The following SMAD3 variants were observed in gnomAD, a reference collection of about 807,000 sequenced individuals.
SMAD3 encodes the protein MAD homolog 3.
In SMAD3, 12 loss-of-function variants were observed where a neutral mutation model predicts 51.8. The observed-to-expected ratio is 0.23, with a 90% CI of 0.15 to 0.38. SMAD3 has a LOEUF of 0.38. Among genes scored for constraint, SMAD3 ranks in the 10% least tolerant of loss-of-function variants. The pLI is 1.00. For synonymous variants in SMAD3, 238 were observed against 227.7 expected, an observed-to-expected ratio of 1.05 and a Z score of -0.41; for missense variants, 294 against 565.6, an observed-to-expected ratio of 0.52 and a Z score of 4.87.
intron 1 of SMAD3, among the ~76,000 whole-genome samples, chr15:67,108,152 C>T (rs2118612): frequency 0.7 from 106,416 of 152,080 alleles, 38,219 homozygotes; most frequent in Middle Eastern, 0.85. Context: ...GCCTTGCCCT[C>T]GGGGGCTCCG....
chr15:67,129,523 TA>T (rs1961471602), intron 1 of SMAD3, among the ~76,000 whole-genome samples: 1 of 152,220 alleles, frequency 6.6e-6, no homozygotes, highest in Admixed American at 6.5e-5. Context: ...GCCTAATTTA[TA>T]AATTAAACTT....
intron 5 of SMAD3, among the ~76,000 whole-genome samples, chr15:67,180,628 C>T (rs113758516): frequency 4.0e-5 from 6 of 151,514 alleles, no homozygotes; most frequent in African/African-American, 1.5e-4. Context: ...GTGTCCACTG[C>T]GCCAACATGG....
At chr15:67,098,256 A>G (rs1045325244) in intron 1 of SMAD3, among the ~76,000 whole-genome samples, 2 of 141,938 alleles carry the variant, frequency 1.4e-5, no homozygotes, top group African/African-American at 2.6e-5. Flanking sequence ...GTGAGATGAG[A>G]GGATTGGGCT....
chr15:67,106,777 G>A (rs1346667133), intron 1 of SMAD3, among the ~76,000 whole-genome samples: 1 of 152,126 alleles, frequency 6.6e-6, no homozygotes, highest in African/African-American at 2.4e-5. Flanking sequence ...GGCTCTTCCT[G>A]GCTTCACTCT....
At chr15:67,109,001 G>C (rs1960942213) in intron 1 of SMAD3, among the ~76,000 whole-genome samples, 1 of 152,182 alleles carries the variant, frequency 6.6e-6, no homozygotes, top group Non-Finnish European at 1.5e-5. Flanking sequence ...CCTCAAGTTG[G>C]CTTTTGTCTC....
At position 67,098,855 on chromosome 15, in the gene SMAD3, G is replaced by A. The variant is rs74811524; in HGVS notation, c.206+32495G>A. The stretch of plus-strand genomic sequence containing the variant: ...TTGCTCAGCTGGGGGATTTGGGGAC[G>A]GTGGGAGGGCATACATGGATGGGAG... On this transcript the variant is annotated intron_variant, in intron 1 of 8. Coordinates refer to ENST00000327367, the MANE Select transcript of SMAD3 (RefSeq NM_005902.4). 984 of 701,148 alleles carry A rather than the reference G, an allele frequency of 1.4e-3. 10 individuals carry two copies. The African/African-American group carries it at 0.015, about 11-fold the overall frequency. 43.4% of individuals were successfully genotyped at this position (701,148 alleles called of 1,614,324 possible). A position where few individuals can be genotyped will look rare whatever the true frequency, so the allele number is the denominator to read the frequency against.
intron 1 of SMAD3, among the ~76,000 whole-genome samples, chr15:67,085,448 A>AAATG (rs1396989302): frequency 6.6e-6 from 1 of 152,228 alleles, no homozygotes; most frequent in Non-Finnish European, 1.5e-5. Context: ...GCATTCAAAG[A>AAATG]AATGACTCTA....
intron 1 of SMAD3, among the ~76,000 whole-genome samples, chr15:67,074,798 T>G (rs1356738232): frequency 6.6e-6 from 1 of 152,226 alleles, no homozygotes; most frequent in Non-Finnish European, 1.5e-5. Context: ...CAAGCAGTTC[T>G]CCTGCCTCAG....
At chr15:67,113,971 C>G (rs1257067752) in intron 1 of SMAD3, among the ~76,000 whole-genome samples, 1 of 152,180 alleles carries the variant, frequency 6.6e-6, no homozygotes, top group African/African-American at 2.4e-5. Context: ...ATTTCTGCCA[C>G]CAGGTTGAGG....
chr15:67,102,055 A>T (rs1405442387), intron 1 of SMAD3, among the ~76,000 whole-genome samples: 1 of 152,152 alleles, frequency 6.6e-6, no homozygotes, highest in Non-Finnish European at 1.5e-5. Context: ...TCGGATTATG[A>T]GGCACCTGAT....
At chr15:67,189,322 A>G (rs1963301026) in intron 8 of SMAD3, among the ~76,000 whole-genome samples, 1 of 152,148 alleles carries the variant, frequency 6.6e-6, no homozygotes, top group Non-Finnish European at 1.5e-5. Context: ...CTGCTACACA[A>G]GCAAAGTAGA....
rs2140191979 is a variant in SMAD3, at chr15:67,068,955, C to T, written c.206+2595C>T. Among the ~76,000 whole-genome samples, 3 of 152,328 alleles carry T rather than the reference C, an allele frequency of 2.0e-5. No homozygotes were observed. In the South Asian group the frequency reaches 6.2e-4, roughly 32 times the overall value. ...GAGAAAGGAAAATGTTTAACTTAGTCATTCCCCCTGTGTGTGGGGGGTTGG... is the reference window on the plus strand; with the variant it reads ...GAGAAAGGAAAATGTTTAACTTAGTTATTCCCCCTGTGTGTGGGGGGTTGG... On this transcript the variant is annotated intron_variant, in intron 1 of 8. Coordinates refer to ENST00000327367, the MANE Select transcript of SMAD3 (RefSeq NM_005902.4).
intron 1 of SMAD3, among the ~76,000 whole-genome samples, chr15:67,119,366 C>T (rs935964690): frequency 6.6e-6 from 1 of 151,524 alleles, no homozygotes; most frequent in Non-Finnish European, 1.5e-5. Flanking sequence ...AAGCCCATTG[C>T]AGGGAGGCCC....
chr15:67,117,587 T>C (rs1302563749), intron 1 of SMAD3, among the ~76,000 whole-genome samples: 2 of 152,070 alleles, frequency 1.3e-5, no homozygotes, highest in Non-Finnish European at 2.9e-5. Flanking sequence ...CTGGTGGGTG[T>C]GAGGATGTTT....
intron 1 of SMAD3, among the ~76,000 whole-genome samples, chr15:67,080,680 G>A (rs923295520): frequency 1.3e-5 from 2 of 152,206 alleles, no homozygotes; most frequent in Non-Finnish European, 2.9e-5. Context: ...AGGCCTTGAG[G>A]AAGGAATTAA....
chr15:67,178,377 GAT>G, intron 5 of SMAD3, among the ~76,000 whole-genome samples: 1 of 152,316 alleles, frequency 6.6e-6, no homozygotes, highest in Middle Eastern at 3.4e-3. Context: ...AGGGCTTTAT[GAT>G]TTTGGGGTGA....
intron 1 of SMAD3, among the ~76,000 whole-genome samples, chr15:67,079,953 A>G (rs550256286): frequency 4.6e-5 from 7 of 152,190 alleles, no homozygotes; most frequent in African/African-American, 1.7e-4. Flanking sequence ...TTGCCACTGA[A>G]GCTCTACACC....
At chr15:67,168,370 T>G (rs1962648860) in intron 4 of SMAD3, among the ~76,000 whole-genome samples, 1 of 151,962 alleles carries the variant, frequency 6.6e-6, no homozygotes, top group Non-Finnish European at 1.5e-5. Context: ...CCCGGCGGAG[T>G]GACTAGTAGC....
chr15:67,183,290 C>T (rs954379338), intron 6 of SMAD3, among the ~76,000 whole-genome samples: 3 of 151,602 alleles, frequency 2.0e-5, no homozygotes, highest in South Asian at 4.2e-4. Context: ...GTGATCTGCC[C>T]GCCTCAGCCT....
Sources: allele counts gnomAD v4.1 joint callset (sites outside exome capture counted in the v4.1 genomes callset), GRCh38; gene constraint gnomAD v4.1.1; transcripts MANE v1.5; gene names NCBI Gene and HGNC (gene_info 2026-07-23, HGNC 2026-07-21).